The following PRKCQ variants were observed in gnomAD, a reference collection of about 807,000 sequenced individuals.
PRKCQ encodes the protein protein kinase C theta.
A neutral mutation model predicts 91.2 loss-of-function variants in PRKCQ; 41 were observed. The observed-to-expected ratio is 0.45, with a 90% CI of 0.35 to 0.58. PRKCQ has a LOEUF of 0.58. Ranked by LOEUF, PRKCQ falls within the 20% of genes least tolerant of loss-of-function variation. The pLI, the probability that PRKCQ is intolerant of heterozygous loss-of-function variation, is 0.00. For missense variants in PRKCQ, 673 were observed against 896.5 expected (o/e 0.75, Z 3.18); for synonymous variants, 307 against 316.9 (o/e 0.97, Z 0.33).
At chr10:6,475,710 A>G (rs1836232120) in intron 12 of PRKCQ, among the ~76,000 whole-genome samples, 1 of 152,248 alleles carries the variant, frequency 6.6e-6, no homozygotes, top group Non-Finnish European at 1.5e-5. Context: ...TGTTCCCAGA[A>G]CAAAGCATTA....
intron 14 of PRKCQ, among the ~76,000 whole-genome samples, chr10:6,461,406 A>G (rs1316514856): frequency 6.6e-6 from 1 of 152,258 alleles, no homozygotes; most frequent in Non-Finnish European, 1.5e-5. Flanking sequence ...AAGAGTTTTA[A>G]AATAATATTC....
intron 12 of PRKCQ, among the ~76,000 whole-genome samples, chr10:6,468,086 A>C (rs2130728293): frequency 6.6e-6 from 1 of 152,360 alleles, no homozygotes; most frequent in East Asian, 1.9e-4. Context: ...TAGATTTAAC[A>C]AAATCAGTTG....
chr10:6,430,946 G>A lies in PRKCQ; in HGVS notation c.1837-8C>T. The A allele has an allele frequency of 6.2e-7, 1 of 1,613,664 alleles. No homozygotes were observed. Among genetic ancestry groups the A allele is most frequent in the Non-Finnish European group, 8.5e-7 (1 of 1,179,786 alleles). The stretch of plus-strand genomic sequence containing the variant: ...AGGTTCTCGCACGAAGAGCTGAAAG[G>A]GAGCAGAGCAGGAGCCCTGAGGTCT... On this transcript the variant is annotated splice_polypyrimidine_tract_variant and splice_region_variant and intron_variant, in intron 16 of 17. Coordinates refer to ENST00000263125, the MANE Select transcript of PRKCQ (RefSeq NM_006257.5). This position sits in a 1 kb window ranked among gnomAD's most constrained non-coding sequence, Gnocchi z 4.7.
At chr10:6,536,028 C>A (rs1050480428) in intron 1 of PRKCQ, among the ~76,000 whole-genome samples, 16 of 152,044 alleles carry the variant, frequency 1.1e-4, no homozygotes, top group African/African-American at 3.9e-4. Context: ...TTCTAGGTCA[C>A]CCTTGGGGAC....
chr10:6,555,848 A>T (rs1303670805), intron 1 of PRKCQ, among the ~76,000 whole-genome samples: 2 of 152,060 alleles, frequency 1.3e-5, no homozygotes, highest in African/African-American at 4.8e-5. Context: ...CGTCTCTACT[A>T]AAAAAACAAA....
At chr10:6,565,343 G>A (rs1397716378) in intron 1 of PRKCQ, among the ~76,000 whole-genome samples, 1 of 152,160 alleles carries the variant, frequency 6.6e-6, no homozygotes, top group Non-Finnish European at 1.5e-5. Context: ...TATGCTCTCT[G>A]TTCTGAGTAC....
At chr10:6,578,525 C>T (rs1434383753) in intron 1 of PRKCQ, among the ~76,000 whole-genome samples, 2 of 152,246 alleles carry the variant, frequency 1.3e-5, no homozygotes, top group African/African-American at 4.8e-5. Context: ...ACAGAAACAA[C>T]AACTGAAAAA....
chr10:6,473,438 TCA>T (rs1836101991), intron 12 of PRKCQ, among the ~76,000 whole-genome samples: 1 of 152,248 alleles, frequency 6.6e-6, no homozygotes, highest in African/African-American at 2.4e-5. Context: ...ATTTGCCAAA[TCA>T]CAGTTTGGTT....
chr10:6,451,920 T>C (rs906402498), intron 15 of PRKCQ, among the ~76,000 whole-genome samples: 4 of 152,156 alleles, frequency 2.6e-5, no homozygotes, highest in Admixed American at 6.5e-5. Flanking sequence ...ATTGATGGGA[T>C]GTATCTCAAA....
rs561030418 is a variant in PRKCQ at position 6,438,250 on chromosome 10, A to C, written c.1836+3643T>G. On this transcript the variant is annotated intron_variant, in intron 16 of 17. Transcript: ENST00000263125. ...AGGGAGAGCCCTGGAGTTGCCTCCA[A>C]GTTTCTAATGCCCAAGACAAGTTGT... Among the ~76,000 whole-genome samples the C allele has an allele frequency of 2.7e-4, 41 of 152,362 alleles. No individual in the cohort carries two copies. In the East Asian group the frequency reaches 3.3e-3, roughly 12 times the overall value.
intron 4 of PRKCQ, among the ~76,000 whole-genome samples, chr10:6,501,837 AT>A (rs936290242): frequency 2.0e-5 from 3 of 152,208 alleles, no homozygotes; most frequent in African/African-American, 7.2e-5. Context: ...GAAAAAAAAA[AT>A]ACATAAAAAA....
chr10:6,509,930 A>C lies in PRKCQ; in HGVS notation c.318+1065T>G, dbSNP rs370340057. ...AAATACAAAACTGACACAAAAACCTAGTTTTTAGGCTTGTATCATTCCCAT... is the reference window on the plus strand; with the variant it reads ...AAATACAAAACTGACACAAAAACCTCGTTTTTAGGCTTGTATCATTCCCAT... On this transcript the variant is annotated intron_variant, in intron 3 of 17. Coordinates refer to ENST00000263125, the MANE Select transcript of PRKCQ (RefSeq NM_006257.5). Among the ~76,000 whole-genome samples, 16 of 152,332 alleles carry C rather than the reference A, an allele frequency of 1.1e-4. No homozygotes were observed. In the South Asian group the frequency reaches 3.3e-3, roughly 32 times the overall value.
chr10:6,433,152 T>C (rs1833504618), intron 16 of PRKCQ, among the ~76,000 whole-genome samples: 1 of 152,210 alleles, frequency 6.6e-6, no homozygotes, highest in South Asian at 2.1e-4. Flanking sequence ...TCAGTGATTT[T>C]CAAACAAATT....
At chr10:6,490,556 C>T (rs678532) in intron 8 of PRKCQ, among the ~76,000 whole-genome samples, 141,880 of 145,802 alleles carry the variant, frequency 0.97, 69,111 homozygotes, top group East Asian at 1. Context: ...CAAGACCATA[C>T]CTCTAAAAAA....
At chr10:6,487,136 A>C (rs1199251795) in intron 8 of PRKCQ, among the ~76,000 whole-genome samples, 1 of 152,180 alleles carries the variant, frequency 6.6e-6, no homozygotes. Context: ...TGCCTCCTGA[A>C]AACCTCGTGT....
chr10:6,397,839 C>T, the PRKCQ span, among the ~76,000 whole-genome samples: 7 of 152,054 alleles, frequency 4.6e-5, no homozygotes, highest in African/African-American at 1.7e-4. Flanking sequence ...GCAGGAGAAT[C>T]GCTTGAACCT....
chr10:6,409,946 C>G, the PRKCQ span, among the ~76,000 whole-genome samples: 1 of 152,296 alleles, frequency 6.6e-6, no homozygotes, highest in African/African-American at 2.4e-5. Flanking sequence ...TGTTAAAAAG[C>G]TGTTTGTTGC....
chr10:6,433,531 C>T (rs547236739), intron 16 of PRKCQ, among the ~76,000 whole-genome samples: 9 of 152,162 alleles, frequency 5.9e-5, no homozygotes, highest in East Asian at 3.9e-4. Flanking sequence ...CATTTTATCT[C>T]GGTTGCCTGT....
intron 7 of PRKCQ, among the ~76,000 whole-genome samples, chr10:6,492,126 C>A (rs1837337284): frequency 1.3e-5 from 2 of 152,000 alleles, no homozygotes; most frequent in East Asian, 3.9e-4. Flanking sequence ...TTAAAAAGTG[C>A]TAAGGAAACA....
Sources: allele counts gnomAD v4.1 joint callset (sites outside exome capture counted in the v4.1 genomes callset), GRCh38; gene constraint gnomAD v4.1.1; non-coding constraint Gnocchi (gnomAD v3.1); transcripts MANE v1.5; gene names NCBI Gene and HGNC (gene_info 2026-07-23, HGNC 2026-07-21).